The following BCL2L13 variants were observed in gnomAD, a reference collection of about 807,000 sequenced individuals.
BCL2L13 encodes the protein BCL2 like 13, also known as bcl-2-like protein 13.
In BCL2L13, 13 loss-of-function variants were observed where a neutral mutation model predicts 25.8. That is an observed-to-expected ratio of 0.50 (90% CI 0.33 to 0.80). The LOEUF (loss-of-function observed/expected upper bound fraction) is 0.80, where lower values mean the gene tolerates loss of function less well. BCL2L13 is among the 30% of genes least tolerant of loss of function. BCL2L13 has a pLI of 0.02. For missense variants in BCL2L13, 504 were observed against 574.9 expected (o/e 0.88, Z 1.26); for synonymous variants, 244 against 230.3 (o/e 1.06, Z -0.54).
intron 2 of BCL2L13, among the ~76,000 whole-genome samples, chr22:17,664,251 C>G (rs1032021682): frequency 9.9e-5 from 15 of 152,166 alleles, no homozygotes; most frequent in African/African-American, 3.6e-4. Flanking sequence ...TCCCAAAGTG[C>G]TGGGATTACA....
intron 6 of BCL2L13, among the ~76,000 whole-genome samples, chr22:17,726,266 G>A (rs919687008): frequency 6.6e-6 from 1 of 151,616 alleles, no homozygotes; most frequent in East Asian, 1.9e-4. Context: ...CAGGAGAATC[G>A]CTTGAACCTG....
Position 17,688,081 on chromosome 22 carries a change from A to G in BCL2L13, c.230-905A>G, listed in dbSNP as rs542998656. Among the ~76,000 whole-genome samples, 12 of 152,164 alleles carry G rather than the reference A, an allele frequency of 7.9e-5. No homozygotes were observed. In the East Asian group the frequency reaches 1.7e-3, roughly 22 times the overall value. ...GATCTGCCCAGCCTTGGCCTCCCAA[A>G]GTGCTGGGATTACAGGCATGCGCCA... On this transcript the variant is annotated intron_variant, in intron 3 of 6. Transcript: ENST00000317582.
At chr22:17,654,416 C>CT (rs1357116292) in intron 1 of BCL2L13, among the ~76,000 whole-genome samples, 3 of 138,730 alleles carry the variant, frequency 2.2e-5, no homozygotes, top group South Asian at 2.3e-4. Context: ...TGTCTTCTCT[C>CT]TTTTTTTTTC....
intron 4 of BCL2L13, among the ~76,000 whole-genome samples, chr22:17,693,781 G>C (rs891771737): frequency 6.6e-6 from 1 of 151,606 alleles, no homozygotes; most frequent in African/African-American, 2.4e-5. Flanking sequence ...TTGTTGCCCA[G>C]ACTGAAGTGC....
upstream of BCL2L13, chr22:17,638,722 C>A: frequency 8.1e-7 from 1 of 1,231,720 alleles, no homozygotes; most frequent in South Asian, 4.1e-5. Context: ...CCCGCCCCGA[C>A]GCCGGCCGTG....
intron 3 of BCL2L13, among the ~76,000 whole-genome samples, chr22:17,687,351 T>G (rs1168379288): frequency 6.6e-6 from 1 of 152,008 alleles, no homozygotes. Flanking sequence ...AATTTGGTTA[T>G]TTTTTGGGGA....
At chr22:17,688,449 A>G (rs551220662) in intron 3 of BCL2L13, among the ~76,000 whole-genome samples, 24 of 152,338 alleles carry the variant, frequency 1.6e-4, no homozygotes, top group African/African-American at 5.5e-4. Context: ...TAAAAACAGA[A>G]TTTTAAGAGA....
chr22:17,659,495 G>A lies in BCL2L13; in HGVS notation c.121+3663G>A, dbSNP rs142102695. Among the ~76,000 whole-genome samples the A allele has an allele frequency of 8.4e-3, 1,206 of 143,686 alleles. 51 individuals are homozygous for A. The highest frequency in any genetic ancestry group is 0.028 in the African/African-American group (1,125 of 40,678). 94.3% of individuals were successfully genotyped at this position (143,686 alleles called of 152,430 possible). A position where few individuals can be genotyped will look rare whatever the true frequency, so the allele number is the denominator to read the frequency against. ...GCTAACATGGTGAAACCCCATCTCT[G>A]CTAAAAATACAAAATATTAGCTGGG... is the stretch of plus-strand genomic sequence containing the variant. On this transcript the variant is annotated intron_variant, in intron 2 of 6. Transcript: ENST00000317582.
intron 2 of BCL2L13, 116 bp from the exon 3 acceptor site, chr22:17,683,098 A>G: frequency 1.7e-6 from 1 of 587,126 alleles, no homozygotes; most frequent in Non-Finnish European, 3.0e-6. Flanking sequence ...ATGCCATTGC[A>G]CTCCAGCCCC....
intron 2 of BCL2L13, among the ~76,000 whole-genome samples, chr22:17,667,245 C>T (rs1264606239): frequency 6.6e-6 from 1 of 152,096 alleles, no homozygotes; most frequent in Non-Finnish European, 1.5e-5. Context: ...AGTCTTGGCT[C>T]ACTGCAACCT....
At chr22:17,677,885 A>G (rs1001899504) in intron 2 of BCL2L13, among the ~76,000 whole-genome samples, 1 of 151,744 alleles carries the variant, frequency 6.6e-6, no homozygotes, top group South Asian at 2.1e-4. Context: ...AAACAAAAAA[A>G]CCCCACAAAA....
chr22:17,658,551 G>A (rs562691147), intron 2 of BCL2L13, among the ~76,000 whole-genome samples: 2 of 151,806 alleles, frequency 1.3e-5, no homozygotes, highest in South Asian at 2.1e-4. Flanking sequence ...AAAATTAGCC[G>A]GGCATGGTGG....
rs61709181 is a variant in BCL2L13, at chr22:17,663,683, C to CTTTTT, written c.121+7865_121+7869dup. ...TTTATTATTATCTTTTACATTTTTC[C>CTTTTT]TTTTTTTTTTTTTTTTTTGAGATGG... On this transcript the variant is annotated intron_variant, in intron 2 of 6. Transcript: ENST00000317582. Among the ~76,000 whole-genome samples, 97 of 107,462 alleles carry CTTTTT rather than the reference C, an allele frequency of 9.0e-4. 1 individual carries two copies. The highest frequency in any genetic ancestry group is 1.4e-3 in the Non-Finnish European group (81 of 56,836). 70.5% of individuals were successfully genotyped at this position (107,462 alleles called of 152,430 possible). A position where few individuals can be genotyped will look rare whatever the true frequency, so the allele number is the denominator to read the frequency against.
At chr22:17,666,682 T>TTA (rs1444839637) in intron 2 of BCL2L13, among the ~76,000 whole-genome samples, 6 of 150,206 alleles carry the variant, frequency 4.0e-5, no homozygotes, top group Non-Finnish European at 8.9e-5. Flanking sequence ...CTCATTCTTT[T>TTA]TTTTTTTTTT....
intron 4 of BCL2L13, among the ~76,000 whole-genome samples, chr22:17,694,824 G>A (rs908361966): frequency 6.6e-6 from 1 of 152,172 alleles, no homozygotes; most frequent in African/African-American, 2.4e-5. Flanking sequence ...CAGGTGGTGG[G>A]GAAAATGTGT....
At chr22:17,640,495 T>A (rs1389132989) in intron 1 of BCL2L13, among the ~76,000 whole-genome samples, 3 of 152,156 alleles carry the variant, frequency 2.0e-5, no homozygotes, top group Non-Finnish European at 4.4e-5. Flanking sequence ...CATAATCTAA[T>A]CAACATGTAT....
At chr22:17,679,440 T>C (rs2059670822) in intron 2 of BCL2L13, among the ~76,000 whole-genome samples, 1 of 151,888 alleles carries the variant, frequency 6.6e-6, no homozygotes, top group Non-Finnish European at 1.5e-5. Context: ...TAGCAAATTT[T>C]TGTATTTTTA....
chr22:17,655,914 T>C, intron 2 of BCL2L13, 82 bp downstream of exon 2: 2 of 1,362,194 alleles, frequency 1.5e-6, no homozygotes, highest in Non-Finnish European at 2.0e-6. Flanking sequence ...AATTTATATG[T>C]GTGGTTATCA....
At chr22:17,648,683 A>G (rs1033948485) in intron 1 of BCL2L13, among the ~76,000 whole-genome samples, 6 of 152,172 alleles carry the variant, frequency 3.9e-5, no homozygotes, top group Admixed American at 6.6e-5. Flanking sequence ...CACCAAATAT[A>G]TAGATATATG....
Sources: allele counts gnomAD v4.1 joint callset (sites outside exome capture counted in the v4.1 genomes callset), GRCh38; gene constraint gnomAD v4.1.1; transcripts MANE v1.5; gene names NCBI Gene and HGNC (gene_info 2026-07-23, HGNC 2026-07-21).